The following EFHC2 variants were observed in gnomAD, a reference collection of about 807,000 sequenced individuals.
EFHC2 encodes EF-hand domain-containing family member C2.
A neutral mutation model predicts 52.7 loss-of-function variants in EFHC2; 18 were observed. The ratio of observed to expected loss-of-function variants is 0.34; its 90% CI spans 0.24 to 0.51. The LOEUF (loss-of-function observed/expected upper bound fraction) is 0.51. EFHC2 is among the 20% of genes least tolerant of loss of function. The pLI is 0.97. For missense variants in EFHC2, 513 were observed against 562.5 expected (o/e 0.91, Z 0.89); for synonymous variants, 203 against 204.1 (o/e 0.99, Z 0.04).
chrX:44,338,331 T>C (rs1268030998), intron 1 of EFHC2, among the ~76,000 whole-genome samples: 1 of 99,139 alleles, frequency 1.0e-5, no homozygotes, highest in Non-Finnish European at 2.0e-5. Flanking sequence ...ACCGCATCTC[T>C]ACAAATAATA....
intron 2 of EFHC2, chrX:44,309,960 G>C: frequency 3.1e-6 from 3 of 968,189 alleles, no homozygotes; most frequent in Non-Finnish European, 3.0e-6. Flanking sequence ...ATACATTTCA[G>C]AATGTATGTT....
chrX:44,269,575 C>T (rs550899890), intron 3 of EFHC2, among the ~76,000 whole-genome samples: 27 of 110,686 alleles, frequency 2.4e-4, no homozygotes, highest in African/African-American at 8.2e-4. Flanking sequence ...AAGAGTCTGG[C>T]ATCCCCTCCT....
chrX:44,283,861 TAGAC>T (rs1465448032), intron 2 of EFHC2: 5 of 107,329 alleles, frequency 4.7e-5, no homozygotes, highest in Non-Finnish European at 7.7e-5. Flanking sequence ...AGAACTGTGA[TAGAC>T]AGTTGAAAAA....
At chrX:44,225,004 C>T (rs777810803) in intron 11 of EFHC2, among the ~76,000 whole-genome samples, 2 of 111,493 alleles carry the variant, frequency 1.8e-5, no homozygotes, top group Admixed American at 9.5e-5. Context: ...GCATGAAATA[C>T]TAGCCCTGCC....
rs946087925 is a variant in EFHC2, at chrX:44,274,807, G to A, written c.232-1971C>T. 7.2e-5 allele frequency among the ~76,000 whole-genome samples: 8 copies of A among 110,699 alleles called. No homozygotes were observed. In the Admixed American group the frequency reaches 7.8e-4, roughly 11 times the overall value. On this transcript the variant is annotated intron_variant, in intron 2 of 14. Transcript: ENST00000420999. Reference sequence around the variant, plus strand: ...CTAGGGAGGCTGAGGTGGGAGGATTGCTTGAGCCCAGGAGATCGAGGCTGC... The same window carrying A: ...CTAGGGAGGCTGAGGTGGGAGGATTACTTGAGCCCAGGAGATCGAGGCTGC...
intron 8 of EFHC2, among the ~76,000 whole-genome samples, chrX:44,240,931 T>A (rs1169267223): frequency 8.9e-6 from 1 of 112,201 alleles, no homozygotes; most frequent in East Asian, 2.8e-4. Context: ...GGACATCATG[T>A]CATAGCAAAG....
chrX:44,225,822 C>T, intron 11 of EFHC2: 1 of 111,869 alleles, frequency 8.9e-6, no homozygotes, highest in East Asian at 2.8e-4. Context: ...CTTCTCCTTA[C>T]TTCCCTAAGT....
intron 14 of EFHC2, among the ~76,000 whole-genome samples, chrX:44,162,596 G>A (rs980327542): frequency 1.8e-5 from 2 of 111,192 alleles, no homozygotes; most frequent in African/African-American, 6.6e-5. Flanking sequence ...ATGTGCCTTC[G>A]CTCTGGCCAC....
intron 2 of EFHC2, among the ~76,000 whole-genome samples, chrX:44,282,720 T>C (rs1333826354): frequency 2.3e-5 from 2 of 88,737 alleles, no homozygotes; most frequent in Admixed American, 1.3e-4. Context: ...AAAATTGTTA[T>C]ATACCACAGT....
intron 14 of EFHC2, among the ~76,000 whole-genome samples, chrX:44,159,023 C>A (rs1340781147): frequency 8.9e-6 from 1 of 112,479 alleles, no homozygotes; most frequent in Non-Finnish European, 1.9e-5. Context: ...TTGAACCAAC[C>A]CACCAGGACA....
chrX:44,175,465 A>G (rs1005524437), intron 13 of EFHC2, among the ~76,000 whole-genome samples: 3 of 111,693 alleles, frequency 2.7e-5, no homozygotes, highest in African/African-American at 9.8e-5. Context: ...TTAGAAGCAG[A>G]GGATGTGCAT....
chrX:44,342,918 G>GAAA (rs1293995703), intron 1 of EFHC2, among the ~76,000 whole-genome samples: 1 of 96,388 alleles, frequency 1.0e-5, no homozygotes, highest in African/African-American at 3.9e-5. Context: ...TATAAATAGA[G>GAAA]AAAAAAAAAA....
At chrX:44,311,081 A>G (rs958064927) in intron 2 of EFHC2, among the ~76,000 whole-genome samples, 4 of 112,016 alleles carry the variant, frequency 3.6e-5, no homozygotes, top group African/African-American at 1.3e-4. Context: ...TAAACATCCT[A>G]TAAGATTGAG....
chrX:44,241,872 G>A (rs1415278620), intron 8 of EFHC2, among the ~76,000 whole-genome samples: 2 of 111,902 alleles, frequency 1.8e-5, no homozygotes, highest in Admixed American at 9.5e-5. Flanking sequence ...AGATAGATAT[G>A]GAAAGGCAAC....
chrX:44,195,272 G>T (rs1361419286), intron 11 of EFHC2, among the ~76,000 whole-genome samples: 1 of 111,362 alleles, frequency 9.0e-6, no homozygotes, highest in Non-Finnish European at 1.9e-5. Flanking sequence ...ATCGCCATGA[G>T]AACGACATAC....
intron 11 of EFHC2, among the ~76,000 whole-genome samples, chrX:44,201,570 G>T (rs2037006571): frequency 1.8e-5 from 2 of 111,159 alleles, no homozygotes; most frequent in East Asian, 5.6e-4. Flanking sequence ...AGGTGAAATG[G>T]GAAAGTTTCT....
chrX:44,227,139 T>G (rs2037239407), intron 11 of EFHC2, among the ~76,000 whole-genome samples: 2 of 110,859 alleles, frequency 1.8e-5, no homozygotes, highest in Admixed American at 9.6e-5. Flanking sequence ...AGAAGGTCCC[T>G]GCCCTCAAAG....
chrX:44,307,785 T>C (rs1249762469), intron 2 of EFHC2, among the ~76,000 whole-genome samples: 1 of 110,671 alleles, frequency 9.0e-6, no homozygotes, highest in Non-Finnish European at 1.9e-5. Context: ...AATAAAAAAA[T>C]TAGCCAGGTG....
Position 44,324,125 on chromosome X carries a change from A to G in EFHC2, c.43-11369T>C, listed in dbSNP as rs986157014. Reference sequence around the variant, plus strand: ...CTAACCTCCCCAATTGCTCCCATAGATAACATTACTATTATAAAACCTAAG... The same window carrying G: ...CTAACCTCCCCAATTGCTCCCATAGGTAACATTACTATTATAAAACCTAAG... On this transcript the variant is annotated intron_variant, in intron 1 of 14. Transcript: ENST00000420999. 2.7e-5 allele frequency among the ~76,000 whole-genome samples: 3 copies of G among 111,062 alleles called. No individual in the cohort carries two copies. In the Admixed American group the frequency reaches 2.9e-4, roughly 11 times the overall value.
Sources: gnomAD v4.1 joint callset for allele counts (sites outside exome capture counted in the v4.1 genomes callset) on GRCh38, gnomAD v4.1.1 for gene constraint, MANE v1.5 for transcripts, NCBI Gene and HGNC (gene_info 2026-07-23, HGNC 2026-07-21) for gene names.